CCDC170: variants seen among roughly 807,000 people sequenced by gnomAD.
CCDC170 encodes the protein coiled-coil domain containing 170, also known as coiled-coil domain-containing protein 170.
CCDC170 carries 69 observed loss-of-function variants against 72.6 expected under a neutral mutation model. That is an observed-to-expected ratio of 0.95 (90% confidence interval 0.78 to 1.16). The LOEUF (loss-of-function observed/expected upper bound fraction) is 1.16, where lower values mean the gene tolerates loss of function less well. Among genes scored for constraint, CCDC170 ranks in the 50% most tolerant of loss-of-function variants. CCDC170 has a pLI of 0.00. For missense variants in CCDC170, 852 were observed against 832.5 expected (o/e 1.02, Z -0.29); for synonymous variants, 300 against 303.9 (o/e 0.99, Z 0.13).
intron 1 of CCDC170, among the ~76,000 whole-genome samples, chr6:151,530,520 C>T (rs1262869156): frequency 6.6e-6 from 1 of 151,656 alleles, no homozygotes; most frequent in African/African-American, 2.4e-5. Context: ...TGGCTCACTG[C>T]AACCTCTGCC....
chr6:151,506,400 G>A (rs1782067733), intron 1 of CCDC170, among the ~76,000 whole-genome samples: 1 of 152,182 alleles, frequency 6.6e-6, no homozygotes, highest in Non-Finnish European at 1.5e-5. Flanking sequence ...CATGCCATTT[G>A]AGTAGAGATC....
intron 1 of CCDC170, among the ~76,000 whole-genome samples, chr6:151,535,670 T>C (rs1312138464): frequency 2.0e-5 from 3 of 152,208 alleles, no homozygotes; most frequent in Admixed American, 6.5e-5. Context: ...TCTTCTCTGA[T>C]AATTCTTTGT....
At chr6:151,592,723 A>C (rs942014921) in intron 7 of CCDC170, among the ~76,000 whole-genome samples, 26 of 152,304 alleles carry the variant, frequency 1.7e-4, no homozygotes, top group African/African-American at 5.8e-4. Flanking sequence ...CAGCCAAACC[A>C]TATCAATGGG....
intron 1 of CCDC170, among the ~76,000 whole-genome samples, chr6:151,509,101 A>G (rs1300026224): frequency 6.6e-6 from 1 of 152,202 alleles, no homozygotes; most frequent in African/African-American, 2.4e-5. Context: ...GTGTCTAATA[A>G]TAAGTGAAGT....
intron 1 of CCDC170, among the ~76,000 whole-genome samples, chr6:151,511,303 A>G (rs1406410154): frequency 6.6e-6 from 1 of 152,164 alleles, no homozygotes; most frequent in Admixed American, 6.5e-5. Flanking sequence ...TGCCCCCTAG[A>G]GTATAACACT....
At chr6:151,516,967 C>G (rs559140889) in intron 1 of CCDC170, among the ~76,000 whole-genome samples, 1 of 152,240 alleles carries the variant, frequency 6.6e-6, no homozygotes, top group Non-Finnish European at 1.5e-5. Flanking sequence ...CTGCCAACTT[C>G]CACCCATGCA....
intron 6 of CCDC170, among the ~76,000 whole-genome samples, chr6:151,577,237 G>T (rs566918970): frequency 6.6e-6 from 1 of 152,146 alleles, no homozygotes; most frequent in Middle Eastern, 3.4e-3. Context: ...GCCTCTACCC[G>T]CTAGTAGCAC....
At chr6:151,518,138 A>G (rs1469221127) in intron 1 of CCDC170, among the ~76,000 whole-genome samples, 1 of 151,928 alleles carries the variant, frequency 6.6e-6, no homozygotes, top group Non-Finnish European at 1.5e-5. Context: ...GAAGAAGGCA[A>G]CCTTTCTCCT....
At chr6:151,510,777 C>G (rs1782135672) in intron 1 of CCDC170, among the ~76,000 whole-genome samples, 1 of 151,692 alleles carries the variant, frequency 6.6e-6, no homozygotes, top group Admixed American at 6.6e-5. Context: ...GCTTTGTCAC[C>G]CAGGCTGGAG....
chr6:151,599,458 G>A (rs180936820), intron 9 of CCDC170, among the ~76,000 whole-genome samples: 120 of 152,310 alleles, frequency 7.9e-4, no homozygotes, highest in Non-Finnish European at 1.5e-3. Context: ...GCAATAATAG[G>A]TGAATAGGAG....
rs767477143 is a variant in CCDC170, at chr6:151,573,395, C to G, written c.996C>G (p.Ala332=). The stretch of plus-strand genomic sequence containing the variant: ...TCTCATTTAGGGAGAAAATCGCAGC[C>G]CTCCTTAGGGGCAGATTGAGCATGA... The part of the protein sequence containing the change: ...QYFSFREKIA[A]LLRGRLSMTG... The change falls in exon 6 of 11, where the codon GCC becomes GCG. Residue 332 remains alanine, a synonymous_variant. Coordinates refer to ENST00000239374, the MANE Select transcript of CCDC170 (RefSeq NM_025059.4). 1.5e-5 allele frequency: 24 copies of G among 1,614,100 alleles called. No individual in the cohort carries two copies. The highest frequency in any genetic ancestry group is 2.0e-5 in the Non-Finnish European group (24 of 1,180,014).
intron 6 of CCDC170, among the ~76,000 whole-genome samples, chr6:151,578,737 T>G (rs1266842048): frequency 6.6e-6 from 1 of 152,142 alleles, no homozygotes; most frequent in Non-Finnish European, 1.5e-5. Context: ...GGAAGGAGGA[T>G]TTGGTCGACA....
At chr6:151,530,754 T>G (rs563974997) in intron 1 of CCDC170, among the ~76,000 whole-genome samples, 101 of 152,180 alleles carry the variant, frequency 6.6e-4, no homozygotes, top group African/African-American at 2.4e-3. Flanking sequence ...AATTATTAAA[T>G]ATATTTAAAA....
intron 6 of CCDC170, among the ~76,000 whole-genome samples, chr6:151,577,677 G>A (rs140416430): frequency 2.0e-5 from 3 of 152,276 alleles, no homozygotes; most frequent in East Asian, 1.9e-4. Flanking sequence ...CTCTGGCTGC[G>A]CACCCGCACC....
At chr6:151,529,076 G>T (rs57552421) in intron 1 of CCDC170, among the ~76,000 whole-genome samples, 3,514 of 151,930 alleles carry the variant, frequency 0.023, 125 homozygotes, top group African/African-American at 0.075. Flanking sequence ...CAGGTGATGG[G>T]GATTCTGTAA....
At chr6:151,588,418 A>G (rs1426173887) in intron 7 of CCDC170, among the ~76,000 whole-genome samples, 1 of 152,206 alleles carries the variant, frequency 6.6e-6, no homozygotes, top group African/African-American at 2.4e-5. Flanking sequence ...TCGCCTTCCA[A>G]GGGTTGGACA....
intron 10 of CCDC170, among the ~76,000 whole-genome samples, chr6:151,617,039 T>A (rs1478755078): frequency 6.6e-6 from 1 of 152,234 alleles, no homozygotes; most frequent in Non-Finnish European, 1.5e-5. Flanking sequence ...GGAAGCGGGT[T>A]GCAGAGCAAA....
At chr6:151,556,862 A>G (rs1257696292) in intron 5 of CCDC170, among the ~76,000 whole-genome samples, 1 of 152,048 alleles carries the variant, frequency 6.6e-6, no homozygotes, top group Non-Finnish European at 1.5e-5. Flanking sequence ...TCCATTAACC[A>G]ATCTCTCTTC....
chr6:151,501,195 C>T (rs973630798), intron 1 of CCDC170, among the ~76,000 whole-genome samples: 2 of 151,790 alleles, frequency 1.3e-5, no homozygotes, highest in Admixed American at 1.3e-4. Flanking sequence ...TTAGACAAAC[C>T]CACCTTGAAG....
Sources: allele counts gnomAD v4.1 joint callset (sites outside exome capture counted in the v4.1 genomes callset), GRCh38; gene constraint gnomAD v4.1.1; transcripts MANE v1.5; gene names NCBI Gene and HGNC (gene_info 2026-07-23, HGNC 2026-07-21).